Variants in DGKB observed in about 807,000 individuals in gnomAD.
DGKB encodes diacylglycerol kinase beta.
In DGKB, 67 loss-of-function variants were observed where a neutral mutation model predicts 114.3. The ratio of observed to expected loss-of-function variants is 0.59; its 90% confidence interval spans 0.48 to 0.72. The LOEUF is 0.72. DGKB is among the 30% of genes least tolerant of loss of function. DGKB has a pLI of 0.00. For missense variants in DGKB, 907 were observed against 975.2 expected, an observed-to-expected ratio of 0.93 and a Z score of 0.93; for synonymous variants, 398 against 323.1, an observed-to-expected ratio of 1.23 and a Z score of -2.49.
At chr7:14,477,134 G>T (rs1782304337) in intron 21 of DGKB, among the ~76,000 whole-genome samples, 1 of 152,154 alleles carries the variant, frequency 6.6e-6, no homozygotes. Context: ...TATGCATAAA[G>T]TAGTGCAATT....
intron 20 of DGKB, among the ~76,000 whole-genome samples, chr7:14,562,350 C>A (rs1796787447): frequency 6.6e-6 from 1 of 152,172 alleles, no homozygotes; most frequent in African/African-American, 2.4e-5. Context: ...GGGGTTGGAG[C>A]CCCTACACAG....
intron 2 of DGKB, among the ~76,000 whole-genome samples, chr7:14,769,122 A>AG (rs1562487598): frequency 4.3e-4 from 42 of 97,072 alleles, no homozygotes; most frequent in Admixed American, 1.2e-3. Context: ...AGAAAGAAAG[A>AG]AAGAGAGAGA....
chr7:14,588,267 T>A (rs1450923507), intron 17 of DGKB, among the ~76,000 whole-genome samples: 1 of 152,120 alleles, frequency 6.6e-6, no homozygotes, highest in Non-Finnish European at 1.5e-5. Context: ...CCTTTTTGAA[T>A]AACTTTTTTT....
At chr7:14,859,917 C>T (rs1850727575) in intron 1 of DGKB, among the ~76,000 whole-genome samples, 2 of 151,902 alleles carry the variant, frequency 1.3e-5, no homozygotes, top group African/African-American at 2.4e-5. Flanking sequence ...CAACTTTCAC[C>T]GAAGTTGTAC....
chr7:14,685,106 A>T, intron 10 of DGKB, 139 bp downstream of exon 10: 1 of 458,238 alleles, frequency 2.2e-6, no homozygotes, highest in Non-Finnish European at 3.8e-6. Flanking sequence ...TCAAAAACAC[A>T]CTACAGGAAA....
chr7:14,784,495 C>T (rs1033015292), intron 2 of DGKB, among the ~76,000 whole-genome samples: 1 of 151,740 alleles, frequency 6.6e-6, no homozygotes, highest in Non-Finnish European at 1.5e-5. Flanking sequence ...CCCACCTCAG[C>T]CTCCCCAGTA....
chr7:14,731,200 C>A (rs555098064), intron 5 of DGKB, among the ~76,000 whole-genome samples: 2 of 152,080 alleles, frequency 1.3e-5, no homozygotes, highest in African/African-American at 4.8e-5. Flanking sequence ...GGAATAGTAG[C>A]AGGTTTGTGC....
intron 21 of DGKB, among the ~76,000 whole-genome samples, chr7:14,426,749 G>T (rs558662972): frequency 6.6e-6 from 1 of 152,150 alleles, no homozygotes; most frequent in Non-Finnish European, 1.5e-5. Context: ...CACTGACTCT[G>T]TATTATTAAG....
intron 1 of DGKB, among the ~76,000 whole-genome samples, chr7:14,862,133 T>TC (rs924703707): frequency 8.6e-5 from 13 of 151,678 alleles, no homozygotes; most frequent in African/African-American, 3.1e-4. Context: ...TTATTTTCTT[T>TC]CCCCCCCAGC....
intron 25 of DGKB, among the ~76,000 whole-genome samples, chr7:14,168,374 G>A (rs1156793628): frequency 6.6e-6 from 1 of 152,176 alleles, no homozygotes; most frequent in Non-Finnish European, 1.5e-5. Flanking sequence ...AGGAGAGAGT[G>A]TGTGGCGTAG....
chr7:14,482,557 T>C (rs1783138968), intron 20 of DGKB, among the ~76,000 whole-genome samples: 1 of 152,052 alleles, frequency 6.6e-6, no homozygotes, highest in African/African-American at 2.4e-5. Flanking sequence ...GTAATTACAG[T>C]TATACTAGAA....
chr7:14,499,524 A>G (rs1342067691), intron 20 of DGKB, among the ~76,000 whole-genome samples: 2 of 151,800 alleles, frequency 1.3e-5, no homozygotes, highest in Non-Finnish European at 2.9e-5. Context: ...TTGAATACCA[A>G]AAGTTAGAAG....
intron 6 of DGKB, among the ~76,000 whole-genome samples, chr7:14,711,304 G>C (rs776073520): frequency 2.7e-4 from 41 of 152,100 alleles, no homozygotes; most frequent in Admixed American, 7.2e-4. Flanking sequence ...CATATATTGA[G>C]TACCAAGTAC....
At chr7:14,375,371 G>T (rs1001154425) in intron 21 of DGKB, among the ~76,000 whole-genome samples, 1 of 152,194 alleles carries the variant, frequency 6.6e-6, no homozygotes, top group Non-Finnish European at 1.5e-5. Flanking sequence ...ATAATAATAA[G>T]AGCTAAGAGG....
At chr7:14,535,259 C>T (rs573270571) in intron 20 of DGKB, among the ~76,000 whole-genome samples, 2 of 151,944 alleles carry the variant, frequency 1.3e-5, no homozygotes, top group South Asian at 2.1e-4. Context: ...GTTCCAGCTA[C>T]TCAGGAGGCT....
intron 2 of DGKB, among the ~76,000 whole-genome samples, chr7:14,795,024 G>T (rs141505240): frequency 8.4e-4 from 128 of 152,288 alleles, no homozygotes; most frequent in African/African-American, 3.0e-3. Context: ...CTGATTCTCT[G>T]CAGAACCGAC....
At chr7:14,275,716 G>C (rs1340059571) in intron 23 of DGKB, among the ~76,000 whole-genome samples, 1 of 152,158 alleles carries the variant, frequency 6.6e-6, no homozygotes, top group African/African-American at 2.4e-5. Flanking sequence ...ATAGTGGTAG[G>C]TTTAACAATT....
chr7:14,149,471 T>C (rs759054624), intron 25 of DGKB, among the ~76,000 whole-genome samples: 2 of 152,182 alleles, frequency 1.3e-5, no homozygotes, highest in Non-Finnish European at 2.9e-5. Flanking sequence ...TTAAAAATTA[T>C]CTGAAGTTGC....
chr7:14,728,846 G>C (rs377008844), intron 5 of DGKB, among the ~76,000 whole-genome samples: 3 of 151,962 alleles, frequency 2.0e-5, no homozygotes, highest in African/African-American at 7.2e-5. Flanking sequence ...AGGATTACAG[G>C]TGTGCACCAC....
Sources: gnomAD v4.1 joint callset for allele counts (sites outside exome capture counted in the v4.1 genomes callset) on GRCh38, gnomAD v4.1.1 for gene constraint, MANE v1.5 for transcripts, NCBI Gene and HGNC (gene_info 2026-07-23, HGNC 2026-07-21) for gene names.